The following CDHR4 variants were observed in gnomAD, a reference collection of about 807,000 sequenced individuals.
CDHR4 encodes cadherin related family member 4, also known as cadherin-related family member 4.
Under a neutral mutation model 88.4 loss-of-function variants are expected in CDHR4, and 89 were observed. That is an observed-to-expected ratio of 1.01 (90% CI 0.85 to 1.20). The LOEUF is 1.20. CDHR4 is among the 50% of genes most tolerant of loss of function. The probability of loss-of-function intolerance (pLI) is 0.00; values close to 1 mark genes in which losing one functional copy is unlikely to be tolerated. For synonymous variants in CDHR4, 368 were observed against 399.2 expected, an observed-to-expected ratio of 0.92 and a Z score of 0.93; for missense variants, 914 against 1,007.2, an observed-to-expected ratio of 0.91 and a Z score of 1.25.
intron 16 of CDHR4, 50 bp from the exon 17 acceptor site, chr3:49,791,851 C>T (rs1480608482): frequency 1.3e-6 from 2 of 1,551,596 alleles, no homozygotes; most frequent in South Asian, 1.2e-5. Context: ...GGGCCCTAAC[C>T]TGAGTTTAAG....
chr3:49,795,812 G>A lies in CDHR4; in HGVS notation c.711-48C>T, dbSNP rs2081263095. 2 of 1,549,116 alleles carry A rather than the reference G, an allele frequency of 1.3e-6. No individual in the cohort carries two copies. Among genetic ancestry groups the A allele is most frequent in the African/African-American group, 1.4e-5 (1 of 73,142 alleles). ...GTTCCTGCCCATTCCTGCTCAACCTGTGGGTCCACAGCTTCCTTCCCTGGG... is the reference window on the plus strand; with the variant it reads ...GTTCCTGCCCATTCCTGCTCAACCTATGGGTCCACAGCTTCCTTCCCTGGG... On this transcript the variant is annotated intron_variant, in intron 6 of 18. Transcript: ENST00000412678. This position sits in a 1 kb window ranked among gnomAD's most constrained non-coding sequence, Gnocchi z 5.4.
At position 49,799,050 on chromosome 3, in the gene CDHR4, A is replaced by G. The variant is rs2081320211; in HGVS notation, c.347T>C (p.Val116Ala). 6.3e-6 allele frequency: 10 copies of G among 1,595,292 alleles called. No homozygotes were observed. Among genetic ancestry groups the G allele is most frequent in the Non-Finnish European group, 8.5e-6 (10 of 1,171,116 alleles). ...ATGGCTAAGGTCCCGCTGCACATCC[A>G]CAGAGAGTGAGCCCTCCATCACATG... ...GNHVMEGSLS[V>A]DVQRDLSHIQ... Residue 116 changes from valine to alanine, a missense_variant, in exon 3 of 19, where the codon GTG becomes GCG. Transcript: ENST00000412678.
In CDHR4 at chr3:49,799,841, A is replaced by G. The variant is rs1329545777; in HGVS notation, c.-29T>C. Reference sequence around the variant, plus strand: ...GACCTGAAGACACAGACAGCAGAGGAGGCTTCAGAAAGCTAGGCTGTTTGT... The same window carrying G: ...GACCTGAAGACACAGACAGCAGAGGGGGCTTCAGAAAGCTAGGCTGTTTGT... On this transcript the variant is annotated 5_prime_UTR_variant, in exon 1 of 19. Coordinates refer to ENST00000412678, the MANE Select transcript of CDHR4 (RefSeq NM_001007540.4). The G allele has an allele frequency of 2.5e-6, 4 of 1,613,058 alleles. No individual in the cohort carries two copies. The highest frequency in any genetic ancestry group is 2.5e-6 in the Non-Finnish European group (3 of 1,179,354).
chr3:49,792,422 T>C, intron 15 of CDHR4, 46 bp downstream of exon 15: 1 of 1,548,044 alleles, frequency 6.5e-7, no homozygotes, highest in Non-Finnish European at 8.7e-7. Context: ...CTGGGGTCCA[T>C]AGGTGGGTTG....
Position 49,795,157 on chromosome 3 carries a change from C to T in CDHR4, c.1031+39G>A. The T allele has an allele frequency of 6.4e-7, 1 of 1,551,542 alleles. No individual in the cohort carries two copies. The stretch of plus-strand genomic sequence containing the variant: ...TCTGGCAGTACCCTGAGTCATGGCT[C>T]TGACCCCAGCAGCCCAAGTATGGTT... On this transcript the variant is annotated intron_variant, in intron 8 of 18. Coordinates refer to ENST00000412678, the MANE Select transcript of CDHR4 (RefSeq NM_001007540.4). The surrounding 1 kb of genome is among the most constrained non-coding windows in gnomAD (Gnocchi z 5.4).
Position 49,791,466 on chromosome 3 carries a change from A to G in CDHR4, c.2286T>C (p.His762=). 1 of 1,547,434 alleles carries G rather than the reference A, an allele frequency of 6.5e-7. No individual in the cohort carries two copies. The highest frequency in any genetic ancestry group is 1.2e-5 in the South Asian group (1 of 83,134). ...GGGAGTCCTGTGCTCTGCCATCAAA[A>G]TGCTGCTGAGGGAAAAAAAAAAAAG... ...SQAPSSVMSL[H]FDGRAQDSRT... Residue 762 remains histidine (H), a splice_region_variant and synonymous_variant, in exon 18 of 19, where the codon CAT becomes CAC. Coordinates refer to ENST00000412678, the MANE Select transcript of CDHR4 (RefSeq NM_001007540.4).
rs116550540 is a variant in CDHR4 at position 49,791,844 on chromosome 3, C to G, written c.2196-43G>C. 4.9e-4 allele frequency: 767 copies of G among 1,551,440 alleles called. 4 individuals carry two copies. In the African/African-American group the frequency reaches 9.2e-3, roughly 19 times the overall value. On this transcript the variant is annotated intron_variant, in intron 16 of 18. Transcript: ENST00000412678. Reference sequence around the variant, plus strand: ...CAAGAGTACAGGGCAAGGCTCTGGGCCCTAACCTGAGTTTAAGAGATGGGA... The same window carrying G: ...CAAGAGTACAGGGCAAGGCTCTGGGGCCTAACCTGAGTTTAAGAGATGGGA...
At chr3:49,802,319 G>A (rs1364713929), upstream of CDHR4, among the ~76,000 whole-genome samples, 2 of 152,056 alleles carry the variant, frequency 1.3e-5, no homozygotes, top group Non-Finnish European at 1.5e-5. Flanking sequence ...GACTACAGGC[G>A]CCCGCCACCA....
chr3:49,794,713 G>C lies in CDHR4; in HGVS notation c.1186-12C>G, dbSNP rs888734651. 5.2e-6 allele frequency: 8 copies of C among 1,548,166 alleles called. No homozygotes were observed. The highest frequency in any genetic ancestry group is 7.0e-6 in the Non-Finnish European group (8 of 1,144,994). On this transcript the variant is annotated splice_polypyrimidine_tract_variant and intron_variant, in intron 9 of 18. Coordinates refer to ENST00000412678, the MANE Select transcript of CDHR4 (RefSeq NM_001007540.4). ...AGTGTGGCATTCACCTAGCCAAAGGGGCTAGAAAGTGAGGTCCAGCCAGGG... is the reference window on the plus strand; with the variant it reads ...AGTGTGGCATTCACCTAGCCAAAGGCGCTAGAAAGTGAGGTCCAGCCAGGG...
chr3:49,791,528 T>C, intron 17 of CDHR4, 60 bp from the exon 18 acceptor site: 1 of 1,533,620 alleles, frequency 6.5e-7, no homozygotes, highest in Non-Finnish European at 8.8e-7. Flanking sequence ...GGGGAGCAGA[T>C]GAAGGCCTGC....
upstream of CDHR4, among the ~76,000 whole-genome samples, chr3:49,801,569 A>C (rs1329135589): frequency 6.6e-6 from 1 of 152,210 alleles, no homozygotes; most frequent in Non-Finnish European, 1.5e-5. Flanking sequence ...AGGCATCTCA[A>C]GGGTTACGTG....
intron 5 of CDHR4, 145 bp downstream of exon 5, chr3:49,796,777 G>A (rs2081276664): frequency 1.6e-6 from 1 of 644,550 alleles, no homozygotes; most frequent in Non-Finnish European, 2.8e-6. Context: ...TAAGGTGGGA[G>A]GACAGACAGC....
chr3:49,793,300 G>T lies in CDHR4; in HGVS notation c.1635C>A (p.Asp545Glu), dbSNP rs1231471295. The change falls in exon 13 of 19, where the codon GAC becomes GAA. Residue 545 changes from aspartate to glutamate, a missense_variant. Coordinates refer to ENST00000412678, the MANE Select transcript of CDHR4 (RefSeq NM_001007540.4). ...ATGGGGGCTCACACTCGGGGGCATG[G>T]TCATTCACATCCTGCAGAAAGGAAC... The part of the protein sequence containing the change: ...TITIEVEDVN[D>E]HAPECEPPFQ... The T allele has an allele frequency of 6.4e-7, 1 of 1,551,362 alleles. No homozygotes were observed. Among genetic ancestry groups the T allele is most frequent in the Admixed American group, 2.0e-5 (1 of 50,974 alleles).
upstream of CDHR4, among the ~76,000 whole-genome samples, chr3:49,800,204 T>C (rs959453749): frequency 2.6e-5 from 4 of 152,050 alleles, no homozygotes; most frequent in South Asian, 2.1e-4. Flanking sequence ...TATCTGCCTA[T>C]AAAAAATGAG....
rs749834653 is a variant in CDHR4, at chr3:49,793,575, G to A, written c.1623+8C>T. The A allele has an allele frequency of 8.2e-5, 128 of 1,551,518 alleles. No individual in the cohort carries two copies. The highest frequency in any genetic ancestry group is 9.2e-5 in the Non-Finnish European group (106 of 1,146,956). ...GTATTTATTTCCAAAGCCTTAGGAC[G>A]CAATTACCTCAACCTCGATGGTAAT... On this transcript the variant is annotated splice_region_variant and intron_variant, in intron 12 of 18. Transcript: ENST00000412678.
In CDHR4 at chr3:49,798,976, G is replaced by A. The variant is rs751170171; in HGVS notation, c.403+18C>T. 3.7e-6 allele frequency: 6 copies of A among 1,610,378 alleles called. No individual in the cohort carries two copies. Among genetic ancestry groups the A allele is most frequent in the African/African-American group, 2.7e-5 (2 of 74,946 alleles). On this transcript the variant is annotated intron_variant, in intron 3 of 18. Coordinates refer to ENST00000412678, the MANE Select transcript of CDHR4 (RefSeq NM_001007540.4). Reference sequence around the variant, plus strand: ...AGGCCATGCCTGCCCCCACCCTGCCGGCTGCCCCTGGCCTCACCTGGGCTG... The same window carrying A: ...AGGCCATGCCTGCCCCCACCCTGCCAGCTGCCCCTGGCCTCACCTGGGCTG...
At chr3:49,794,797 T>C in intron 9 of CDHR4, 96 bp from the exon 10 acceptor site, 1 of 1,422,004 alleles carries the variant, frequency 7.0e-7, no homozygotes, top group African/African-American at 1.4e-5. Flanking sequence ...ACAAATATCT[T>C]GCCTGGATCC....
chr3:49,799,438 C>T lies in CDHR4; in HGVS notation c.50-1G>A. ...ATAAAGCAGGGCAGGCTGCAGAGGT[C>T]TGTGAAGAGCAGAGAATTCAGGCTG... is the stretch of plus-strand genomic sequence containing the variant. On this transcript the variant is annotated splice_acceptor_variant, in intron 1 of 18. Transcript: ENST00000412678. LOFTEE classifies it high-confidence loss of function. The T allele has an allele frequency of 1.3e-6, 2 of 1,589,544 alleles. No homozygotes were observed. The highest frequency in any genetic ancestry group is 1.3e-5 in the African/African-American group (1 of 74,496).
Position 49,792,900 on chromosome 3 carries a change from A to G in CDHR4, c.1949T>C (p.Val650Ala). The G allele has an allele frequency of 6.4e-7, 1 of 1,550,662 alleles. No individual in the cohort carries two copies. The highest frequency in any genetic ancestry group is 8.7e-7 in the Non-Finnish European group (1 of 1,146,218). The change falls in exon 14 of 19, where the codon GTT becomes GCT. Residue 650 changes from valine (V) to alanine (A), a missense_variant. Coordinates refer to ENST00000412678, the MANE Select transcript of CDHR4 (RefSeq NM_001007540.4). ...GGCCACTGTGCTGGCCCTCCGGGGAACTAGATGCACAATAATGGTGGCTGT... is the reference window on the plus strand; with the variant it reads ...GGCCACTGTGCTGGCCCTCCGGGGAGCTAGATGCACAATAATGGTGGCTGT... ...STTATIIVHL[V>A]PRRASTVATS...
Sources: allele counts gnomAD v4.1 joint callset (sites outside exome capture counted in the v4.1 genomes callset), GRCh38; gene constraint gnomAD v4.1.1; non-coding constraint Gnocchi (gnomAD v3.1); transcripts MANE v1.5; gene names NCBI Gene and HGNC (gene_info 2026-07-23, HGNC 2026-07-21).